Variants in ANK2 observed in about 807,000 individuals in gnomAD.
The protein encoded by ANK2 is ankyrin-2.
A neutral mutation model predicts 360.5 loss-of-function variants in ANK2; 83 were observed. That is an observed-to-expected ratio of 0.23 (90% CI 0.19 to 0.28). The LOEUF is 0.28. Among genes scored for constraint, ANK2 ranks in the 10% least tolerant of loss-of-function variants. The pLI is 1.00. For synonymous variants in ANK2, 1,740 were observed against 1,759.5 expected (o/e 0.99, Z 0.28); for missense variants, 4,201 against 4,795.7 (o/e 0.88, Z 3.66).
At chr4:113,043,688 T>G (rs2063536712) in intron 2 of ANK2, among the ~76,000 whole-genome samples, 1 of 152,154 alleles carries the variant, frequency 6.6e-6, no homozygotes, top group African/African-American at 2.4e-5. Flanking sequence ...AAAAAAGAAT[T>G]CTTAGGGAAT....
At chr4:112,922,801 G>C (rs2091834426) in intron 2 of ANK2, among the ~76,000 whole-genome samples, 2 of 152,076 alleles carry the variant, frequency 1.3e-5, no homozygotes, top group Admixed American at 1.3e-4. Flanking sequence ...AGCTTTAATT[G>C]AAAATGACTC....
At chr4:113,257,795 A>G (rs937245718) in intron 11 of ANK2, among the ~76,000 whole-genome samples, 1 of 152,220 alleles carries the variant, frequency 6.6e-6, no homozygotes, top group Non-Finnish European at 1.5e-5. Context: ...GAGAAGGACC[A>G]TGTATTTTTC....
At chr4:113,290,400 A>G (rs2066935936) in intron 20 of ANK2, among the ~76,000 whole-genome samples, 1 of 152,144 alleles carries the variant, frequency 6.6e-6, no homozygotes, top group Admixed American at 6.5e-5. Flanking sequence ...GTAAACATAT[A>G]CATTAACTTT....
intron 9 of ANK2, among the ~76,000 whole-genome samples, chr4:113,249,115 T>C (rs2044629212): frequency 1.3e-5 from 2 of 152,218 alleles, no homozygotes; most frequent in South Asian, 4.1e-4. Context: ...TTGATGGAGT[T>C]AGGGTTCTAT....
intron 1 of ANK2, among the ~76,000 whole-genome samples, chr4:113,066,748 T>TAGAGCG (rs2075747063): frequency 6.6e-6 from 1 of 152,018 alleles, no homozygotes; most frequent in African/African-American, 2.4e-5. Flanking sequence ...GCAAACTGAG[T>TAGAGCG]AGAGCGTGGA....
At chr4:113,117,252 G>T in intron 1 of ANK2, 1 of 455,060 alleles carries the variant, frequency 2.2e-6, no homozygotes, top group Non-Finnish European at 4.4e-6. Flanking sequence ...AGTGGAAACT[G>T]ATCCTCTGCT....
chr4:113,008,906 C>A (rs781026054), intron 2 of ANK2, among the ~76,000 whole-genome samples: 2 of 152,046 alleles, frequency 1.3e-5, no homozygotes, highest in Non-Finnish European at 2.9e-5. Context: ...CCACAGCTAA[C>A]AAAGAAAAGC....
At chr4:113,011,191 A>G (rs2154292312) in intron 2 of ANK2, among the ~76,000 whole-genome samples, 1 of 152,298 alleles carries the variant, frequency 6.6e-6, no homozygotes, top group Admixed American at 6.5e-5. Flanking sequence ...TCACATTTTT[A>G]TACATCTATG....
At chr4:113,165,012 C>CT (rs906300204) in intron 1 of ANK2, among the ~76,000 whole-genome samples, 156 of 151,336 alleles carry the variant, frequency 1.0e-3, no homozygotes, top group African/African-American at 3.7e-3. Flanking sequence ...ATAAAAGCAA[C>CT]TTTTTTTTTG....
At position 113,021,541 on chromosome 4, in the gene ANK2, C is replaced by CACACACATAT. The variant is rs1489947974; in HGVS notation, c.21+117028_21+117029insCACACATATA. 1.4e-4 allele frequency among the ~76,000 whole-genome samples: 13 copies of CACACACATAT among 95,638 alleles called. 1 individual carries two copies. Among genetic ancestry groups the CACACACATAT allele is most frequent in the African/African-American group, 3.8e-4 (10 of 26,180 alleles). 62.7% of individuals were successfully genotyped at this position (95,638 alleles called of 152,430 possible). Reference sequence around the variant, plus strand: ...ATACACACACACACCCACACACAAACATATATATATATATATATATATATA... The same window carrying CACACACATAT: ...ATACACACACACACCCACACACAAACACACACATATATATATATATATATATATATATATA... On this transcript the variant is annotated intron_variant, in intron 2 of 30. Coordinates refer to the ANK2 transcript ENST00000503271.
the ANK2 span, among the ~76,000 whole-genome samples, chr4:112,723,584 GA>G: frequency 6.6e-6 from 1 of 152,238 alleles, no homozygotes; most frequent in East Asian, 1.9e-4. Flanking sequence ...GGCTGGTCTC[GA>G]ACTCCTGACC....
intron 24 of ANK2, 127 bp from the exon 25 acceptor site, chr4:113,317,580 T>A: frequency 1.4e-6 from 1 of 729,438 alleles, no homozygotes; most frequent in Non-Finnish European, 2.5e-6. Flanking sequence ...GAGACTTGTG[T>A]CCCCCTGGAA....
At chr4:113,323,845 C>G (rs990025956) in intron 26 of ANK2, 7 of 1,553,930 alleles carry the variant, frequency 4.5e-6, no homozygotes, top group Middle Eastern at 3.4e-4. Flanking sequence ...TTCCTCTCCC[C>G]CTTTCGCCAT....
At chr4:113,104,369 C>G (rs1417522251) in intron 1 of ANK2, among the ~76,000 whole-genome samples, 1 of 152,114 alleles carries the variant, frequency 6.6e-6, no homozygotes, top group Non-Finnish European at 1.5e-5. Context: ...AAGAGCTCTA[C>G]AAATCTAGAT....
the ANK2 span, among the ~76,000 whole-genome samples, chr4:112,756,648 T>C: frequency 6.6e-6 from 1 of 152,150 alleles, no homozygotes; most frequent in South Asian, 2.1e-4. Context: ...TTATGAACAC[T>C]CGAGTAAGAG....
intron 20 of ANK2, 149 bp from the exon 21 acceptor site, chr4:113,292,267 T>C (rs2068088028): frequency 1.3e-6 from 1 of 756,878 alleles, no homozygotes; most frequent in African/African-American, 1.7e-5. Context: ...TGTTTGCTGC[T>C]GAGAAATGGG....
intron 39 of ANK2, among the ~76,000 whole-genome samples, chr4:113,362,053 A>T (rs1334745104): frequency 1.3e-5 from 2 of 152,200 alleles, no homozygotes; most frequent in African/African-American, 4.8e-5. Flanking sequence ...TATGCCTGTT[A>T]TTTAAAAGTA....
At chr4:112,808,440 G>T in the ANK2 span, among the ~76,000 whole-genome samples, 1 of 152,200 alleles carries the variant, frequency 6.6e-6, no homozygotes, top group Admixed American at 6.5e-5. Flanking sequence ...ACTAAAACCA[G>T]TGTGGTTGGA....
chr4:113,101,625 C>T (rs2092847782), intron 1 of ANK2, among the ~76,000 whole-genome samples: 1 of 151,946 alleles, frequency 6.6e-6, no homozygotes. Flanking sequence ...TGTTTTTTGG[C>T]ACCAGGAACT....
Sources: gnomAD v4.1 joint callset for allele counts (sites outside exome capture counted in the v4.1 genomes callset) on GRCh38, gnomAD v4.1.1 for gene constraint, MANE v1.5 for transcripts, NCBI Gene and HGNC (gene_info 2026-07-23, HGNC 2026-07-21) for gene names.